The following ZNF469 variants were observed in gnomAD, a reference collection of about 807,000 sequenced individuals.
ZNF469 encodes the protein zinc finger protein 469.
ZNF469 carries 1 observed loss-of-function variant against 1.0 expected under a neutral mutation model. The ratio of observed to expected loss-of-function variants is 1.00; its 90% CI spans 0.35 to 4.73. The LOEUF is 4.73. Ranked by LOEUF, ZNF469 falls within the 30% of genes most tolerant of loss-of-function variation. The pLI is 0.16. For synonymous variants in ZNF469, 2,703 were observed against 2,363.4 expected, an observed-to-expected ratio of 1.14 and a Z score of -4.17; for missense variants, 6,100 against 5,356.3, an observed-to-expected ratio of 1.14 and a Z score of -4.33.
chr16:88,229,553 C>CGCGTGTGG, the ZNF469 span, among the ~76,000 whole-genome samples: 1 of 150,682 alleles, frequency 6.6e-6, no homozygotes, highest in African/African-American at 2.4e-5. Context: ...GTGGATGTCA[C>CGCGTGTGG]ACGTGTGGAT....
chr16:88,105,294 T>C, the ZNF469 span, among the ~76,000 whole-genome samples: 2 of 105,152 alleles, frequency 1.9e-5, no homozygotes, highest in African/African-American at 3.5e-5. Flanking sequence ...TTTTCTTTTT[T>C]CTTTCTTTCT....
At chr16:88,103,911 G>A in the ZNF469 span, among the ~76,000 whole-genome samples, 10 of 150,672 alleles carry the variant, frequency 6.6e-5, no homozygotes, top group Non-Finnish European at 1.0e-4. Flanking sequence ...TCCGTGGCAC[G>A]AGGGGGCAGT....
At chr16:88,300,662 G>C in the ZNF469 span, among the ~76,000 whole-genome samples, 2 of 152,288 alleles carry the variant, frequency 1.3e-5, no homozygotes, top group East Asian at 3.9e-4. Context: ...ATGAACAAGT[G>C]AGTCGTGAGT....
chr16:88,164,972 G>A, the ZNF469 span, among the ~76,000 whole-genome samples: 2 of 152,254 alleles, frequency 1.3e-5, no homozygotes, highest in Non-Finnish European at 2.9e-5. Context: ...GGTGCCGAGG[G>A]AAGGCAGGGC....
chr16:88,386,538 C>G (rs1024303495), intron 1 of ZNF469, among the ~76,000 whole-genome samples: 2 of 152,168 alleles, frequency 1.3e-5, no homozygotes, highest in Admixed American at 6.5e-5. Flanking sequence ...TCCCCCTTGA[C>G]GAAGGGGCCC....
At position 88,430,411 on chromosome 16, in the gene ZNF469, C is replaced by G. The variant is rs1315760548; in HGVS notation, c.2941C>G (p.Arg981Gly). 2 of 1,519,672 alleles carry G rather than the reference C, an allele frequency of 1.3e-6. No individual in the cohort carries two copies. Among genetic ancestry groups the G allele is most frequent in the African/African-American group, 1.4e-5 (1 of 72,204 alleles). The allele number at this position is 1,519,672 out of a possible 1,614,324, so 94.1% of individuals were successfully genotyped here. A position where few individuals can be genotyped will look rare whatever the true frequency, so the allele number is the denominator to read the frequency against. Reference protein sequence around the residue: ...GGGRASGLRPRRNDGLGERPP... With the variant: ...GGGRASGLRPGRNDGLGERPP... Reference sequence around the variant, plus strand: ...CGGCAGAGCCTCCGGCCTGAGGCCCCGGAGGAACGACGGTCTCGGGGAGCG... The same window carrying G: ...CGGCAGAGCCTCCGGCCTGAGGCCCGGGAGGAACGACGGTCTCGGGGAGCG... The change falls in exon 3 of 3, where the codon CGG (arginine) becomes GGG (glycine). Residue 981 changes from arginine to glycine, a missense_variant. Arg to Gly is a moderately radical substitution (Grantham distance 125). Coordinates refer to ENST00000565624, the MANE Select transcript of ZNF469 (RefSeq NM_001367624.2).
Position 88,432,640 on chromosome 16 carries a change from G to C in ZNF469, c.5170G>C (p.Glu1724Gln), listed in dbSNP as rs1049912100. Residue 1724 changes from glutamate (E) to glutamine (Q), a missense_variant, in exon 3 of 3, where the codon GAG becomes CAG. Glu to Gln is a conservative substitution (Grantham distance 29). Transcript: ENST00000565624. ...GCCCCCCCAAGATGTCTGCCTGCCT[G>C]AGCCCAGCAAGCAGCCTGGCCCACA... is the stretch of plus-strand genomic sequence containing the variant. ...SRPPQDVCLP[E>Q]PSKQPGPQLD... 2.6e-6 allele frequency: 4 copies of C among 1,550,298 alleles called. No homozygotes were observed. In the African/African-American group the frequency reaches 5.5e-5, roughly 21 times the overall value.
At chr16:88,386,793 T>C (rs1299011294) in intron 1 of ZNF469, among the ~76,000 whole-genome samples, 2 of 152,170 alleles carry the variant, frequency 1.3e-5, no homozygotes, top group Non-Finnish European at 2.9e-5. Context: ...TGCTGGGGGC[T>C]GGACAGAGCG....
chr16:88,204,107 G>A, the ZNF469 span, among the ~76,000 whole-genome samples: 309 of 148,814 alleles, frequency 2.1e-3, 3 homozygotes, highest in Admixed American at 7.0e-3. Flanking sequence ...GAGGTGCCCC[G>A]TAACCCCACA....
chr16:88,243,951 T>TATATATAA, the ZNF469 span, among the ~76,000 whole-genome samples: 202 of 120,740 alleles, frequency 1.7e-3, no homozygotes, highest in Non-Finnish European at 2.5e-3. Flanking sequence ...TATATATATA[T>TATATATAA]AAATGTATGT....
the ZNF469 span, among the ~76,000 whole-genome samples, chr16:88,206,796 A>C: frequency 7.7e-6 from 1 of 129,668 alleles, no homozygotes; most frequent in Admixed American, 7.8e-5. Context: ...TGGGAACGGA[A>C]GGGAGGGGAG....
the ZNF469 span, among the ~76,000 whole-genome samples, chr16:88,221,639 G>A: frequency 5.7e-4 from 87 of 152,340 alleles, no homozygotes; most frequent in Non-Finnish European, 4.1e-4. Flanking sequence ...GAGAGCCCCC[G>A]TCATGCATCC....
the ZNF469 span, among the ~76,000 whole-genome samples, chr16:88,327,668 C>T: frequency 7.2e-5 from 11 of 152,108 alleles, no homozygotes; most frequent in African/African-American, 2.2e-4. Context: ...CCCTCCTCTC[C>T]GCTCCTCCAC....
chr16:88,353,575 C>T, the ZNF469 span, among the ~76,000 whole-genome samples: 2 of 152,206 alleles, frequency 1.3e-5, no homozygotes, highest in African/African-American at 4.8e-5. Context: ...CTCCCGGAGC[C>T]CATTGGGTGC....
chr16:88,405,873 G>A (rs1286869970), intron 1 of ZNF469, among the ~76,000 whole-genome samples: 1 of 152,246 alleles, frequency 6.6e-6, no homozygotes, highest in East Asian at 1.9e-4. Context: ...AGCCTCTGCA[G>A]TTAGCAACAC....
chr16:88,337,088 G>C, the ZNF469 span, among the ~76,000 whole-genome samples: 1 of 152,226 alleles, frequency 6.6e-6, no homozygotes, highest in Non-Finnish European at 1.5e-5. Context: ...CAAATGATCA[G>C]CATCTGGGCC....
At chr16:88,370,710 T>C in the ZNF469 span, among the ~76,000 whole-genome samples, 1 of 152,060 alleles carries the variant, frequency 6.6e-6, no homozygotes, top group African/African-American at 2.4e-5. Context: ...CAGCAATCTA[T>C]CCCCTCAGCT....
At chr16:88,330,878 T>C in the ZNF469 span, among the ~76,000 whole-genome samples, 1 of 152,192 alleles carries the variant, frequency 6.6e-6, no homozygotes, top group Non-Finnish European at 1.5e-5. Context: ...AGCAAATGGT[T>C]TGTGCAGACT....
chr16:88,317,382 A>C, the ZNF469 span, among the ~76,000 whole-genome samples: 92,007 of 152,020 alleles, frequency 0.61, 29,081 homozygotes, highest in East Asian at 0.92. Flanking sequence ...TCCTAGGGGG[A>C]CCCTGTGCAT....
Sources: gnomAD v4.1 joint callset for allele counts (sites outside exome capture counted in the v4.1 genomes callset) on GRCh38, gnomAD v4.1.1 for gene constraint, MANE v1.5 for transcripts, NCBI Gene and HGNC (gene_info 2026-07-23, HGNC 2026-07-21) for gene names.